The following DMTF1 variants were observed in gnomAD, a reference collection of about 807,000 sequenced individuals.
DMTF1 encodes cyclin D binding myb like transcription factor 1.
A neutral mutation model predicts 91.1 loss-of-function variants in DMTF1; 39 were observed. The ratio of observed to expected loss-of-function variants is 0.43; its 90% CI spans 0.33 to 0.56. DMTF1 has a LOEUF of 0.56. DMTF1 is among the 20% of genes least tolerant of loss of function. The pLI is 0.05. For synonymous variants in DMTF1, 338 were observed against 309.5 expected (o/e 1.09, Z -0.97); for missense variants, 750 against 914.5 (o/e 0.82, Z 2.32).
At chr7:87,181,969 G>C in intron 9 of DMTF1, 1 of 1,420,782 alleles carries the variant, frequency 7.0e-7, no homozygotes, top group Non-Finnish European at 9.3e-7. Context: ...GGGGAAATTG[G>C]TCTTTTTTGA....
At chr7:87,153,981 C>T (rs1183259374) in intron 1 of DMTF1, among the ~76,000 whole-genome samples, 3 of 152,124 alleles carry the variant, frequency 2.0e-5, no homozygotes, top group East Asian at 1.9e-4. Flanking sequence ...GGATTACTGT[C>T]TTTTAATAAC....
At chr7:87,176,096 T>C (rs1796201863) in intron 7 of DMTF1, among the ~76,000 whole-genome samples, 1 of 152,182 alleles carries the variant, frequency 6.6e-6, no homozygotes, top group Non-Finnish European at 1.5e-5. Flanking sequence ...TATTGACTGC[T>C]TACTCTTTTC....
intron 1 of DMTF1, among the ~76,000 whole-genome samples, chr7:87,161,029 A>G (rs1014764358): frequency 2.0e-5 from 3 of 152,074 alleles, no homozygotes; most frequent in Admixed American, 1.3e-4. Flanking sequence ...TAGATACCTT[A>G]TATCTTATAT....
chr7:87,163,402 A>C (rs1245638821), intron 1 of DMTF1, 93 bp from the exon 2 acceptor site: 1 of 152,280 alleles, frequency 6.6e-6, no homozygotes, highest in Non-Finnish European at 1.5e-5. Context: ...GAGATATCAC[A>C]GAGGCTTGGG....
intron 13 of DMTF1, among the ~76,000 whole-genome samples, chr7:87,188,626 C>G (rs756587923): frequency 1.3e-5 from 2 of 152,056 alleles, no homozygotes; most frequent in Non-Finnish European, 2.9e-5. Context: ...AGCAGTCAAT[C>G]AAGCAAAGAA....
Position 87,194,671 on chromosome 7 carries a change from T to A in DMTF1, c.2029-13T>A. 1.3e-6 allele frequency: 2 copies of A among 1,582,442 alleles called. No homozygotes were observed. The highest frequency in any genetic ancestry group is 2.2e-5 in the East Asian group (1 of 44,576). ...AGAATATGAGTCAATATTTTTTTTTTAATGTTATTTAGGGTTTAGAGTCTC... is the reference window on the plus strand; with the variant it reads ...AGAATATGAGTCAATATTTTTTTTTAAATGTTATTTAGGGTTTAGAGTCTC... On this transcript the variant is annotated splice_polypyrimidine_tract_variant and intron_variant, in intron 16 of 17. Coordinates refer to ENST00000331242, the MANE Select transcript of DMTF1 (RefSeq NM_001142327.2).
rs776608377 is a variant in DMTF1, at chr7:87,165,028, C to T, written c.87C>T (p.Leu29=). 9.9e-6 allele frequency: 16 copies of T among 1,609,374 alleles called. No individual in the cohort carries two copies. Among genetic ancestry groups the T allele is most frequent in the Non-Finnish European group, 1.3e-5 (15 of 1,177,236 alleles). The change falls in exon 3 of 18, where the codon CTC becomes CTT. Residue 29 remains leucine (L), a synonymous_variant. Transcript: ENST00000331242. ...VTLTQDTEGN[L]ILHCPQNEAD... ...TGACTCAGGACACAGAAGGGAATCT[C>T]ATTCTTCACTGCCCTCAGAATGGTA...
rs1798817454 is a variant in DMTF1 at position 87,187,878 on chromosome 7, TAAC to T, written c.1202-211_1202-209del. The T allele has an allele frequency of 9.0e-6, 5 of 557,520 alleles. No homozygotes were observed. The South Asian group carries it at 1.1e-4, about 13-fold the overall frequency. The allele number at this position is 557,520 out of a possible 1,614,324, so 34.5% of individuals were successfully genotyped here. On this transcript the variant is annotated intron_variant, in intron 12 of 17. Transcript: ENST00000331242. ...CACTATAAATCTTAGATGGCAAGAATAACAATATTAAGAATTAAAATTTGTTAC... is the reference window on the plus strand; with the variant it reads ...CACTATAAATCTTAGATGGCAAGAATAATATTAAGAATTAAAATTTGTTAC...
chr7:87,154,170 A>T (rs1016377184), intron 1 of DMTF1: 6 of 152,362 alleles, frequency 3.9e-5, no homozygotes, highest in South Asian at 2.1e-4. Context: ...ACGTTACAAA[A>T]ATTGTCATGC....
chr7:87,160,954 AG>A (rs1258191758), intron 1 of DMTF1, among the ~76,000 whole-genome samples: 1 of 152,168 alleles, frequency 6.6e-6, no homozygotes, highest in Non-Finnish European at 1.5e-5. Flanking sequence ...TAAGATTTAT[AG>A]GTCTAATCCT....
chr7:87,177,975 C>G (rs1584361879), intron 7 of DMTF1, among the ~76,000 whole-genome samples: 2 of 152,090 alleles, frequency 1.3e-5, no homozygotes, highest in East Asian at 3.8e-4. Context: ...TGGCCCTTTG[C>G]TCTTTTGTTA....
At chr7:87,161,055 T>G (rs1792227116) in intron 1 of DMTF1, among the ~76,000 whole-genome samples, 1 of 152,094 alleles carries the variant, frequency 6.6e-6, no homozygotes, top group Admixed American at 6.5e-5. Context: ...GTATTAATAC[T>G]AATATTAATA....
intron 12 of DMTF1, 78 bp downstream of exon 12, chr7:87,186,058 CT>C: frequency 6.7e-7 from 1 of 1,498,922 alleles, no homozygotes; most frequent in Non-Finnish European, 9.2e-7. Flanking sequence ...GTTAGAAGTT[CT>C]TTGCCCCAGC....
At chr7:87,187,797 C>G (rs922553816) in intron 12 of DMTF1, 1 of 386,260 alleles carries the variant, frequency 2.6e-6, no homozygotes, top group African/African-American at 2.1e-5. Context: ...ATCAAGACAC[C>G]CTAGAATAGA....
intron 13 of DMTF1, 121 bp from the exon 14 acceptor site, chr7:87,190,824 C>G: frequency 1.4e-6 from 1 of 714,248 alleles, no homozygotes; most frequent in Non-Finnish European, 2.2e-6. Flanking sequence ...CTTCAGGTCT[C>G]CAGGCAAATT....
intron 13 of DMTF1, among the ~76,000 whole-genome samples, chr7:87,190,694 T>C (rs2129184746): frequency 6.6e-6 from 1 of 152,198 alleles, no homozygotes; most frequent in South Asian, 2.1e-4. Flanking sequence ...TCCAATAAAC[T>C]TTATTTACAA....
At chr7:87,181,038 T>C (rs111736149) in intron 8 of DMTF1, among the ~76,000 whole-genome samples, 5,580 of 152,062 alleles carry the variant, frequency 0.037, 125 homozygotes, top group East Asian at 0.064. Context: ...TTGGTAGAGA[T>C]GGGGTTTTGC....
intron 12 of DMTF1, chr7:87,187,563 C>T (rs1798732575): frequency 6.5e-6 from 1 of 153,684 alleles, no homozygotes; most frequent in African/African-American, 2.4e-5. Context: ...ATTAAAAAAT[C>T]CAGTTAGAGA....
intron 8 of DMTF1, among the ~76,000 whole-genome samples, chr7:87,180,728 A>G (rs917222710): frequency 6.6e-6 from 1 of 152,318 alleles, no homozygotes; most frequent in South Asian, 2.1e-4. Context: ...GTTAGACAGC[A>G]TAGGAGCAAA....
Sources: gnomAD v4.1 joint callset for allele counts (sites outside exome capture counted in the v4.1 genomes callset) on GRCh38, gnomAD v4.1.1 for gene constraint, MANE v1.5 for transcripts, NCBI Gene and HGNC (gene_info 2026-07-23, HGNC 2026-07-21) for gene names.